PITPNM3: variants seen among roughly 807,000 people sequenced by gnomAD.
The protein encoded by PITPNM3 is membrane-associated phosphatidylinositol transfer protein 3.
A neutral mutation model predicts 102.0 loss-of-function variants in PITPNM3; 26 were observed. The ratio of observed to expected loss-of-function variants is 0.25; its 90% CI spans 0.19 to 0.35. PITPNM3 has a LOEUF of 0.35. PITPNM3 is among the 10% of genes least tolerant of loss of function. The pLI, the probability that PITPNM3 is intolerant of heterozygous loss-of-function variation, is 1.00. For synonymous variants in PITPNM3, 578 were observed against 558.6 expected, an observed-to-expected ratio of 1.03 and a Z score of -0.49; for missense variants, 1,083 against 1,346.1, an observed-to-expected ratio of 0.80 and a Z score of 3.06.
At chr17:6,518,959 C>T (rs1908335961) in intron 3 of PITPNM3, among the ~76,000 whole-genome samples, 1 of 152,172 alleles carries the variant, frequency 6.6e-6, no homozygotes, top group Non-Finnish European at 1.5e-5. Flanking sequence ...CCGCTTGTCA[C>T]TCTGCATTGA....
chr17:6,461,117 A>G, intron 18 of PITPNM3: 1 of 564,662 alleles, frequency 1.8e-6, no homozygotes, highest in Middle Eastern at 4.8e-4. Flanking sequence ...ATGTAGAGAC[A>G]AGAGTCAGGA....
chr17:6,464,078 AG>A, intron 16 of PITPNM3, 91 bp downstream of exon 16: 1 of 1,592,274 alleles, frequency 6.3e-7, no homozygotes, highest in Admixed American at 1.7e-5. Context: ...GGGCCCACAA[AG>A]AACCCCAAGG....
chr17:6,546,475 C>G (rs1910024398), intron 1 of PITPNM3, among the ~76,000 whole-genome samples: 1 of 152,232 alleles, frequency 6.6e-6, no homozygotes, highest in South Asian at 2.1e-4. Flanking sequence ...CAAACCTCAA[C>G]CTCAACCATG....
In PITPNM3 at chr17:6,483,721, T is replaced by C; in HGVS notation, c.383A>G (p.His128Arg). The change falls in exon 6 of 20, where the codon CAT (histidine) becomes CGT (arginine). Residue 128 changes from histidine (H) to arginine (R), a missense_variant. Transcript: ENST00000262483. The part of the protein sequence containing the change: ...EGCPQRSCKT[H>R]VLLLVLHGGN... ...CCCATGCAGGACCAGCAGGAGGACA[T>C]GTGTCTTGCAGGAGCGCTGCGGGCA... 1 of 1,613,780 alleles carries C rather than the reference T, an allele frequency of 6.2e-7. No homozygotes were observed. The highest frequency in any genetic ancestry group is 8.5e-7 in the Non-Finnish European group (1 of 1,179,988).
intron 4 of PITPNM3, among the ~76,000 whole-genome samples, chr17:6,491,396 G>A (rs1377593767): frequency 6.6e-6 from 1 of 152,222 alleles, no homozygotes; most frequent in Non-Finnish European, 1.5e-5. Context: ...GCCAGTAGCA[G>A]ATGCGGATGG....
At chr17:6,492,219 C>T (rs1452807712) in intron 4 of PITPNM3, among the ~76,000 whole-genome samples, 1 of 151,336 alleles carries the variant, frequency 6.6e-6, no homozygotes, top group African/African-American at 2.4e-5. Flanking sequence ...GCCCCCCCAC[C>T]ATGCCCAGCT....
At chr17:6,491,839 T>TATATATATATATATATAAAAC (rs1167162969) in intron 4 of PITPNM3, among the ~76,000 whole-genome samples, 1 of 81,164 alleles carries the variant, frequency 1.2e-5, no homozygotes, top group Admixed American at 1.2e-4. Flanking sequence ...ATATATATAA[T>TATATATATATATATATAAAAC]AAAGAATTAA....
intron 4 of PITPNM3, among the ~76,000 whole-genome samples, chr17:6,495,941 C>G (rs545529334): frequency 1.3e-5 from 2 of 152,172 alleles, no homozygotes; most frequent in Non-Finnish European, 2.9e-5. Context: ...CGACTCAGCC[C>G]GAGGCCGAGG....
At chr17:6,526,485 A>G (rs991802477) in intron 2 of PITPNM3, among the ~76,000 whole-genome samples, 4 of 152,186 alleles carry the variant, frequency 2.6e-5, no homozygotes, top group Admixed American at 6.5e-5. Flanking sequence ...AAGGGTTGAG[A>G]TCCATTTCAC....
intron 3 of PITPNM3, among the ~76,000 whole-genome samples, chr17:6,520,091 A>G (rs1908423556): frequency 6.6e-6 from 1 of 152,240 alleles, no homozygotes; most frequent in Non-Finnish European, 1.5e-5. Flanking sequence ...AAATATGATC[A>G]GTCAACACAT....
Position 6,472,952 on chromosome 17 carries a change from G to T in PITPNM3, c.1259-125C>A. The T allele has an allele frequency of 8.5e-7, 1 of 1,170,282 alleles. No homozygotes were observed. The highest frequency in any genetic ancestry group is 1.2e-6 in the Non-Finnish European group (1 of 810,878). 72.5% of individuals were successfully genotyped at this position (1,170,282 alleles called of 1,614,324 possible). A position where few individuals can be genotyped will look rare whatever the true frequency, so the allele number is the denominator to read the frequency against. ...TCTCAAGAGCCTCCCCGGGCTCCCT[G>T]CTCCCCACGGGAACAAAGCCATTAC... On this transcript the variant is annotated intron_variant, in intron 10 of 19. Coordinates refer to ENST00000262483, the MANE Select transcript of PITPNM3 (RefSeq NM_031220.4). This position sits in a 1 kb window ranked among gnomAD's most constrained non-coding sequence, Gnocchi z 4.1.
intron 9 of PITPNM3, among the ~76,000 whole-genome samples, chr17:6,476,790 T>C (rs921218181): frequency 6.6e-6 from 1 of 152,194 alleles, no homozygotes; most frequent in Non-Finnish European, 1.5e-5. Context: ...CTGTTCCCAG[T>C]CTCTCTGCAA....
At chr17:6,522,698 CA>C (rs1908606656) in intron 3 of PITPNM3, among the ~76,000 whole-genome samples, 1 of 152,162 alleles carries the variant, frequency 6.6e-6, no homozygotes, top group Non-Finnish European at 1.5e-5. Flanking sequence ...TTGAAGAAGA[CA>C]AGAGGATCTG....
chr17:6,489,874 C>T (rs981223273), intron 4 of PITPNM3, among the ~76,000 whole-genome samples: 1 of 151,928 alleles, frequency 6.6e-6, no homozygotes, highest in African/African-American at 2.4e-5. Flanking sequence ...CATGGTGGTG[C>T]GCACCTGTAA....
intron 1 of PITPNM3, among the ~76,000 whole-genome samples, chr17:6,555,853 G>A (rs939733361): frequency 1.3e-5 from 2 of 152,232 alleles, no homozygotes; most frequent in South Asian, 2.1e-4. Flanking sequence ...GGGAGGGGGC[G>A]GGGCGGCCAG....
At position 6,472,492 on chromosome 17, in the gene PITPNM3, C is replaced by T. The variant is rs1310506158; in HGVS notation, c.1429+165G>A. Among the ~76,000 whole-genome samples, 3 of 152,224 alleles carry T rather than the reference C, an allele frequency of 2.0e-5. No individual in the cohort carries two copies. The highest frequency in any genetic ancestry group is 7.2e-5 in the African/African-American group (3 of 41,456). On this transcript the variant is annotated intron_variant, in intron 11 of 19. Transcript: ENST00000262483. The surrounding 1 kb of genome is among the most constrained non-coding windows in gnomAD (Gnocchi z 4.1). ...CCAAGATGCCTCAGACAAGCAGGTG[C>T]TTAGCACAGGTGGGCGACTCTGAAG...
rs1349450364 is a variant in PITPNM3, at chr17:6,556,499, C to T, written c.-93G>A. On this transcript the variant is annotated 5_prime_UTR_variant, in exon 1 of 20. Coordinates refer to ENST00000262483, the MANE Select transcript of PITPNM3 (RefSeq NM_031220.4). The surrounding 1 kb of genome is among the most constrained non-coding windows in gnomAD (Gnocchi z 5.2). ...CCTCCGGCCCCGAACGGACTCCGAG[C>T]GCCGCGCCCGCGCCCCCGCCCCGCT... 2.3e-6 allele frequency: 2 copies of T among 858,226 alleles called. No individual in the cohort carries two copies. The highest frequency in any genetic ancestry group is 1.1e-4 in the East Asian group (1 of 9,068). 53.2% of individuals were successfully genotyped at this position (858,226 alleles called of 1,614,324 possible).
At chr17:6,522,018 C>G (rs1162208848) in intron 3 of PITPNM3, among the ~76,000 whole-genome samples, 1 of 152,078 alleles carries the variant, frequency 6.6e-6, no homozygotes, top group Non-Finnish European at 1.5e-5. Flanking sequence ...TAATTAAAAC[C>G]CTAAGCCTGT....
At chr17:6,490,290 G>T (rs968585062) in intron 4 of PITPNM3, among the ~76,000 whole-genome samples, 1 of 152,132 alleles carries the variant, frequency 6.6e-6, no homozygotes, top group Non-Finnish European at 1.5e-5. Context: ...CCTCGGATGG[G>T]AAACTAACCC....
Sources: allele counts gnomAD v4.1 joint callset (sites outside exome capture counted in the v4.1 genomes callset), GRCh38; gene constraint gnomAD v4.1.1; non-coding constraint Gnocchi (gnomAD v3.1); transcripts MANE v1.5; gene names NCBI Gene and HGNC (gene_info 2026-07-23, HGNC 2026-07-21).